The following HTR2A variants were observed in gnomAD, a reference collection of about 807,000 sequenced individuals.
HTR2A encodes 5-hydroxytryptamine receptor 2A.
In HTR2A, 14 loss-of-function variants were observed where a neutral mutation model predicts 31.0. The ratio of observed to expected loss-of-function variants is 0.45; its 90% CI spans 0.30 to 0.71. HTR2A has a LOEUF of 0.71. Ranked by LOEUF, HTR2A falls within the 30% of genes least tolerant of loss-of-function variation. The pLI is 0.09. For missense variants in HTR2A, 442 were observed against 573.3 expected, an observed-to-expected ratio of 0.77 and a Z score of 2.34; for synonymous variants, 209 against 225.2, an observed-to-expected ratio of 0.93 and a Z score of 0.64.
intron 3 of HTR2A, among the ~76,000 whole-genome samples, chr13:46,860,797 CTAT>C (rs753108012): frequency 3.9e-5 from 6 of 152,122 alleles, no homozygotes; most frequent in African/African-American, 7.2e-5. Context: ...TGATGGGTTA[CTAT>C]TATTAAGATT....
Position 46,833,935 on chromosome 13 carries a change from G to A in HTR2A, c.*902C>T, listed in dbSNP as rs1350299417. ...TGAGTTCATCCTCAATCCTGACACA[G>A]TTACATCAATATACATTTACTGCTC... On this transcript the variant is annotated 3_prime_UTR_variant, in exon 4 of 4. Coordinates refer to ENST00000542664, the MANE Select transcript of HTR2A (RefSeq NM_000621.5). The A allele has an allele frequency of 6.6e-6, 1 of 152,174 alleles. No individual in the cohort carries two copies. Among genetic ancestry groups the A allele is most frequent in the Non-Finnish European group, 1.5e-5 (1 of 68,038 alleles). The allele number at this position is 152,174 out of a possible 1,614,324, so 9.4% of individuals were successfully genotyped here. A position where few individuals can be genotyped will look rare whatever the true frequency, so the allele number is the denominator to read the frequency against.
At chr13:46,873,778 T>A (rs1253220808) in intron 3 of HTR2A, among the ~76,000 whole-genome samples, 2 of 152,236 alleles carry the variant, frequency 1.3e-5, no homozygotes, top group Non-Finnish European at 2.9e-5. Context: ...ATGGTTACTC[T>A]GGATGTTCAG....
At chr13:46,885,850 A>C (rs913713685) in intron 3 of HTR2A, among the ~76,000 whole-genome samples, 15 of 152,326 alleles carry the variant, frequency 9.8e-5, no homozygotes, top group African/African-American at 3.6e-4. Context: ...CATGTTAAAT[A>C]AGTTTTATTG....
At chr13:46,886,082 C>T (rs943141734) in intron 3 of HTR2A, among the ~76,000 whole-genome samples, 2 of 152,128 alleles carry the variant, frequency 1.3e-5, no homozygotes, top group Non-Finnish European at 2.9e-5. Flanking sequence ...TGTATATATT[C>T]TTCTTTATGG....
At chr13:46,849,935 A>T (rs1448678965) in intron 3 of HTR2A, among the ~76,000 whole-genome samples, 4 of 152,252 alleles carry the variant, frequency 2.6e-5, no homozygotes, top group African/African-American at 9.6e-5. Context: ...TTCTGGAATA[A>T]ATGAAGAAGC....
At chr13:46,865,416 T>A (rs1371597082) in intron 3 of HTR2A, among the ~76,000 whole-genome samples, 1 of 120,146 alleles carries the variant, frequency 8.3e-6, no homozygotes, top group Non-Finnish European at 1.7e-5. Context: ...AATGAAGCAA[T>A]GACTCAAAGT....
intron 3 of HTR2A, among the ~76,000 whole-genome samples, chr13:46,855,435 A>G (rs1229879400): frequency 1.3e-5 from 2 of 152,204 alleles, no homozygotes; most frequent in Non-Finnish European, 2.9e-5. Context: ...TGTGTGAGAC[A>G]TAAATCAATC....
At chr13:46,844,275 G>A (rs1222884782) in intron 3 of HTR2A, among the ~76,000 whole-genome samples, 1 of 152,188 alleles carries the variant, frequency 6.6e-6, no homozygotes, top group Non-Finnish European at 1.5e-5. Context: ...AAATGAGAGA[G>A]AGGAAAATAA....
At chr13:46,838,182 C>G (rs531678053) in intron 3 of HTR2A, among the ~76,000 whole-genome samples, 2 of 152,348 alleles carry the variant, frequency 1.3e-5, no homozygotes, top group East Asian at 3.9e-4. Flanking sequence ...TTCCTGTACT[C>G]ATGTACAAGG....
At chr13:46,860,177 T>C (rs147598826) in intron 3 of HTR2A, among the ~76,000 whole-genome samples, 1 of 152,284 alleles carries the variant, frequency 6.6e-6, no homozygotes, top group African/African-American at 2.4e-5. Context: ...CTGAGGACTG[T>C]GTGTGTTGGT....
At chr13:46,897,570 C>T (rs141455663), upstream of HTR2A, among the ~76,000 whole-genome samples, 487 of 152,264 alleles carry the variant, frequency 3.2e-3, 3 homozygotes, top group African/African-American at 0.011. Flanking sequence ...AAGTTGGTTT[C>T]GCAGTACCAA....
At position 46,835,458 on chromosome 13, in the gene HTR2A, A is replaced by T. The variant is rs767568760; in HGVS notation, c.795T>A (p.Ala265=). Reference sequence around the variant, plus strand: ...TGCCAAGATCACTTACACACAAAGTAGCTTCTTTCTGGAGTGACTTGATAG... The same window carrying T: ...TGCCAAGATCACTTACACACAAAGTTGCTTCTTTCTGGAGTGACTTGATAG... ...FLTIKSLQKE[A]TLCVSDLGTR... Residue 265 remains alanine (A), a synonymous_variant, in exon 4 of 4, where the codon GCT becomes GCA. Transcript: ENST00000542664. The T allele has an allele frequency of 1.1e-5, 17 of 1,613,994 alleles. No individual in the cohort carries two copies. The African/African-American group carries it at 1.9e-4, about 18-fold the overall frequency.
intron 3 of HTR2A, among the ~76,000 whole-genome samples, chr13:46,876,404 A>ATATAT (rs1325081559): frequency 1.4e-5 from 1 of 71,294 alleles, no homozygotes; most frequent in African/African-American, 5.0e-5. Flanking sequence ...ATATATATAT[A>ATATAT]TTTTTTTTTT....
At chr13:46,890,200 G>A (rs368954277) in intron 3 of HTR2A, among the ~76,000 whole-genome samples, 14 of 152,308 alleles carry the variant, frequency 9.2e-5, no homozygotes, top group East Asian at 3.9e-4. Flanking sequence ...AAAATTAGCC[G>A]GGCGTGGTGG....
intron 3 of HTR2A, among the ~76,000 whole-genome samples, chr13:46,856,972 C>T (rs143662400): frequency 4.9e-4 from 74 of 152,238 alleles, no homozygotes; most frequent in Admixed American, 1.2e-3. Flanking sequence ...GCTGCTAGAA[C>T]GAACTGCCAC....
chr13:46,861,086 A>G (rs1280465112), intron 3 of HTR2A, among the ~76,000 whole-genome samples: 1 of 152,212 alleles, frequency 6.6e-6, no homozygotes, highest in Non-Finnish European at 1.5e-5. Flanking sequence ...GTGGGAAAAT[A>G]CAAATTTATT....
chr13:46,877,550 A>G (rs758789136), intron 3 of HTR2A, among the ~76,000 whole-genome samples: 1 of 152,198 alleles, frequency 6.6e-6, no homozygotes, highest in African/African-American at 2.4e-5. Context: ...GTGCTTGCAG[A>G]GTCAGACTCC....
At chr13:46,886,495 G>A (rs1178074812) in intron 3 of HTR2A, among the ~76,000 whole-genome samples, 1 of 151,718 alleles carries the variant, frequency 6.6e-6, no homozygotes, top group Non-Finnish European at 1.5e-5. Flanking sequence ...CTATCCATAT[G>A]TTACTTGTGA....
rs770386855 is a variant in HTR2A, at chr13:46,895,445, A to G, written c.412+50T>C. 1.9e-6 allele frequency: 3 copies of G among 1,558,858 alleles called. No homozygotes were observed. The highest frequency in any genetic ancestry group is 1.8e-5 in the Admixed American group (1 of 56,576). On this transcript the variant is annotated intron_variant, in intron 2 of 3. Transcript: ENST00000542664. The surrounding 1 kb of genome is among the most constrained non-coding windows in gnomAD (Gnocchi z 4.4). ...CATCTCATCTGCTGGTGGCATGCAC[A>G]TGCTCTTTATTACCAGTGCGAATAT...
Sources: allele counts gnomAD v4.1 joint callset (sites outside exome capture counted in the v4.1 genomes callset), GRCh38; gene constraint gnomAD v4.1.1; non-coding constraint Gnocchi (gnomAD v3.1); transcripts MANE v1.5; gene names NCBI Gene and HGNC (gene_info 2026-07-23, HGNC 2026-07-21).